Variants in PCDHGA5 observed in about 807,000 individuals in gnomAD.
PCDHGA5 encodes the protein protocadherin gamma subfamily A, 5.
In PCDHGA5, 36 loss-of-function variants were observed where a neutral mutation model predicts 56.7. That is an observed-to-expected ratio of 0.64 (90% CI 0.49 to 0.84). PCDHGA5 has a LOEUF of 0.84. PCDHGA5 is among the 40% of genes least tolerant of loss of function. The pLI is 0.00. For synonymous variants in PCDHGA5, 563 were observed against 520.2 expected (o/e 1.08, Z -1.12); for missense variants, 1,305 against 1,201.5 (o/e 1.09, Z -1.27).
chr5:141,435,290 A>G (rs2097756551), intron 1 of PCDHGA5, among the ~76,000 whole-genome samples: 1 of 152,158 alleles, frequency 6.6e-6, no homozygotes, highest in African/African-American at 2.4e-5. Context: ...ATCCCAAGTC[A>G]TTTCATGGTT....
chr5:141,450,179 A>G (rs1472867634), intron 1 of PCDHGA5, among the ~76,000 whole-genome samples: 1 of 151,100 alleles, frequency 6.6e-6, no homozygotes, highest in African/African-American at 2.4e-5. Flanking sequence ...CACCACACCC[A>G]GCTAATTTTT....
At chr5:141,440,631 A>C (rs1036203175) in intron 1 of PCDHGA5, 2 of 152,224 alleles carry the variant, frequency 1.3e-5, no homozygotes, top group African/African-American at 4.8e-5. Flanking sequence ...ATGTTGAGAG[A>C]AATTCCTTAC....
intron 1 of PCDHGA5, chr5:141,378,655 G>A (rs963845635): frequency 2.6e-5 from 4 of 152,084 alleles, no homozygotes; most frequent in Admixed American, 6.5e-5. Context: ...ATGTTAATGA[G>A]GTTCAAATAA....
In PCDHGA5 at chr5:141,413,208, A is replaced by G. The variant is rs532127106; in HGVS notation, c.2421+46457A>G. The G allele has an allele frequency of 3.5e-5, 57 of 1,612,984 alleles. No individual in the cohort carries two copies. The African/African-American group carries it at 5.2e-4, about 15-fold the overall frequency. On this transcript the variant is annotated intron_variant, in intron 1 of 3. Coordinates refer to ENST00000518069, the MANE Select transcript of PCDHGA5 (RefSeq NM_018918.3). ...CTCAAAGGAATCGCTCAAAGGAATC[A>G]AAGGATTGCAGCGGGCTGGTCCTGC... is the stretch of plus-strand genomic sequence containing the variant.
At chr5:141,379,328 C>T (rs1775531814) in intron 1 of PCDHGA5, 1 of 152,184 alleles carries the variant, frequency 6.6e-6, no homozygotes, top group African/African-American at 2.4e-5. Flanking sequence ...TAATCATACA[C>T]ATCTTCAAAG....
Position 141,432,465 on chromosome 5 carries a change from C to T in PCDHGA5, c.2422-62342C>T. 3 of 1,614,222 alleles carry T rather than the reference C, an allele frequency of 1.9e-6. No individual in the cohort carries two copies. The highest frequency in any genetic ancestry group is 2.5e-6 in the Non-Finnish European group (3 of 1,180,050). On this transcript the variant is annotated intron_variant, in intron 1 of 3. Transcript: ENST00000518069. This position sits in a 1 kb window ranked among gnomAD's most constrained non-coding sequence, Gnocchi z 6.0. The stretch of plus-strand genomic sequence containing the variant: ...GAGATCCTGTACCCCGCCCTCCCCA[C>T]GGACGGTTCCACTGGCGTGGAGCTG...
At chr5:141,416,947 T>G (rs1436457377) in intron 1 of PCDHGA5, 1 of 152,184 alleles carries the variant, frequency 6.6e-6, no homozygotes, top group Non-Finnish European at 1.5e-5. Flanking sequence ...CCATTGAAAC[T>G]ATTATTTTAT....
intron 1 of PCDHGA5, chr5:141,392,496 T>C (rs1357893523): frequency 4.6e-6 from 1 of 215,562 alleles, no homozygotes; most frequent in Non-Finnish European, 9.1e-6. Context: ...AATAAGCAAA[T>C]GATTTTTTTT....
chr5:141,404,183 G>T lies in PCDHGA5; in HGVS notation c.2421+37432G>T, dbSNP rs759576056. ...CAGATTGTTGACGGCCCAAATTCTT[G>T]ACCGAGAAAAAGCCTCAGAATATAA... On this transcript the variant is annotated intron_variant, in intron 1 of 3. Coordinates refer to ENST00000518069, the MANE Select transcript of PCDHGA5 (RefSeq NM_018918.3). 2.5e-6 allele frequency: 4 copies of T among 1,613,154 alleles called. No individual in the cohort carries two copies. In the South Asian group the frequency reaches 4.4e-5, roughly 18 times the overall value.
intron 1 of PCDHGA5, chr5:141,382,864 C>G (rs775003646): frequency 1.3e-6 from 2 of 1,516,562 alleles, no homozygotes; most frequent in Non-Finnish European, 8.8e-7. Context: ...AAGCACTTCC[C>G]GAGATCGGCG....
Position 141,490,397 on chromosome 5 carries a change from G to A in PCDHGA5, c.2422-4410G>A. 6.2e-7 allele frequency: 1 copy of A among 1,614,170 alleles called. No individual in the cohort carries two copies. Among genetic ancestry groups the A allele is most frequent in the South Asian group, 1.1e-5 (1 of 91,080 alleles). On this transcript the variant is annotated intron_variant, in intron 1 of 3. Coordinates refer to ENST00000518069, the MANE Select transcript of PCDHGA5 (RefSeq NM_018918.3). This position sits in a 1 kb window ranked among gnomAD's most constrained non-coding sequence, Gnocchi z 5.4. ...GACTCAGGTAGAAATGGTGAAGTGA[G>A]CCTTGATATCTCTCCGGACCTGCCA...
chr5:141,434,906 C>A lies in PCDHGA5; in HGVS notation c.2422-59901C>A, dbSNP rs1044434492. ...AACAATCCAGTCCCCTTCCCTCATA[C>A]CTTATTTATGTACATATATTTTATA... On this transcript the variant is annotated intron_variant, in intron 1 of 3. Coordinates refer to ENST00000518069, the MANE Select transcript of PCDHGA5 (RefSeq NM_018918.3). Among the ~76,000 whole-genome samples the A allele has an allele frequency of 2.0e-5, 3 of 151,752 alleles. No individual in the cohort carries two copies. In the South Asian group the frequency reaches 6.2e-4, roughly 32 times the overall value.
At chr5:141,371,129 C>T (rs779236316) in intron 1 of PCDHGA5, 2 of 1,614,012 alleles carry the variant, frequency 1.2e-6, no homozygotes, top group East Asian at 2.2e-5. Context: ...TTACTCAGGA[C>T]ATGTACAGGG....
intron 1 of PCDHGA5, chr5:141,399,027 A>G (rs1427563902): frequency 6.2e-7 from 1 of 1,613,788 alleles, no homozygotes; most frequent in Non-Finnish European, 8.5e-7. Context: ...TTACCACTCA[A>G]AAGAAACTGG....
rs375469126 is a variant in PCDHGA5 at position 141,405,300 on chromosome 5, A to G, written c.2421+38549A>G. 207 of 1,614,206 alleles carry G rather than the reference A, an allele frequency of 1.3e-4. No homozygotes were observed. Among genetic ancestry groups the G allele is most frequent in the Non-Finnish European group, 1.6e-4 (193 of 1,180,010 alleles). On this transcript the variant is annotated intron_variant, in intron 1 of 3. Transcript: ENST00000518069. Reference sequence around the variant, plus strand: ...TATGCAGACACACTCATCAGCCAGCAGAGCTGTGAGAAAAATGAGCCTTTG... The same window carrying G: ...TATGCAGACACACTCATCAGCCAGCGGAGCTGTGAGAAAAATGAGCCTTTG...
In PCDHGA5 at chr5:141,432,635, G is replaced by T. The variant is rs754354737; in HGVS notation, c.2422-62172G>T. 8.7e-6 allele frequency: 14 copies of T among 1,613,004 alleles called. No individual in the cohort carries two copies. The South Asian group carries it at 1.4e-4, about 16-fold the overall frequency. On this transcript the variant is annotated intron_variant, in intron 1 of 3. Transcript: ENST00000518069. This position sits in a 1 kb window ranked among gnomAD's most constrained non-coding sequence, Gnocchi z 6.0. ...CTCGGTGGGTCTGCACACGGGCGAGGTGCGCACGGCGCGAGCCCTGCTGGA... is the reference window on the plus strand; with the variant it reads ...CTCGGTGGGTCTGCACACGGGCGAGTTGCGCACGGCGCGAGCCCTGCTGGA...
chr5:141,419,967 TTCTC>T (rs1324855239), intron 1 of PCDHGA5: 2 of 1,614,086 alleles, frequency 1.2e-6, no homozygotes, highest in Admixed American at 3.3e-5. Context: ...TCTGTGCTCT[TTCTC>T]CTCGCGGTGA....
intron 1 of PCDHGA5, chr5:141,492,006 G>T (rs2099736069): frequency 7.8e-6 from 5 of 643,420 alleles, no homozygotes; most frequent in Non-Finnish European, 1.3e-5. Context: ...GGCGATTTCC[G>T]CGGGTGTCGG....
chr5:141,421,855 C>T (rs1329066630), intron 1 of PCDHGA5: 1 of 1,613,764 alleles, frequency 6.2e-7, no homozygotes, highest in East Asian at 2.2e-5. Context: ...GGCTGCTCAC[C>T]TGCTCCTCCT....
Sources: gnomAD v4.1 joint callset for allele counts (sites outside exome capture counted in the v4.1 genomes callset) on GRCh38, gnomAD v4.1.1 for gene constraint, Gnocchi (gnomAD v3.1) non-coding constraint, MANE v1.5 for transcripts, NCBI Gene and HGNC (gene_info 2026-07-23, HGNC 2026-07-21) for gene names.